SYNDIG1: variants seen among roughly 807,000 people sequenced by gnomAD.
SYNDIG1 encodes synapse differentiation inducing 1, also known as synapse differentiation-inducing gene protein 1.
In SYNDIG1, 9 loss-of-function variants were observed where a neutral mutation model predicts 19.4. The ratio of observed to expected loss-of-function variants is 0.46; its 90% CI spans 0.28 to 0.81. The LOEUF (loss-of-function observed/expected upper bound fraction) is 0.81. Among genes scored for constraint, SYNDIG1 ranks in the 30% least tolerant of loss-of-function variants. The probability of loss-of-function intolerance (pLI) is 0.12; values close to 1 mark genes in which losing one functional copy is unlikely to be tolerated. For missense variants in SYNDIG1, 311 were observed against 343.3 expected (o/e 0.91, Z 0.74); for synonymous variants, 141 against 145.9 (o/e 0.97, Z 0.24).
intron 2 of SYNDIG1, among the ~76,000 whole-genome samples, chr20:24,574,221 T>A (rs2146959120): frequency 6.6e-6 from 1 of 151,986 alleles, no homozygotes; most frequent in Admixed American, 6.5e-5. Context: ...CTCACACCTG[T>A]AATCCTAGCA....
chr20:24,657,955 G>C (rs2059545150), intron 3 of SYNDIG1, among the ~76,000 whole-genome samples: 1 of 152,320 alleles, frequency 6.6e-6, no homozygotes, highest in African/African-American at 2.4e-5. Context: ...GAGGCAGCCA[G>C]TGTCTTGCGG....
At chr20:24,500,429 A>G (rs1488388207) in intron 1 of SYNDIG1, among the ~76,000 whole-genome samples, 2 of 152,182 alleles carry the variant, frequency 1.3e-5, no homozygotes, top group African/African-American at 4.8e-5. Context: ...TTCAGTATCA[A>G]CTTAGAGAGT....
chr20:24,587,800 C>T (rs1455298780), intron 3 of SYNDIG1, among the ~76,000 whole-genome samples: 1 of 152,210 alleles, frequency 6.6e-6, no homozygotes, highest in Non-Finnish European at 1.5e-5. Flanking sequence ...TCCAGGCCCT[C>T]AGTGCCATTC....
chr20:24,629,124 G>C (rs1217907040), intron 3 of SYNDIG1, among the ~76,000 whole-genome samples: 2 of 152,236 alleles, frequency 1.3e-5, no homozygotes, highest in African/African-American at 4.8e-5. Flanking sequence ...AGAGGCTACA[G>C]ATAGAACATG....
chr20:24,628,790 C>T (rs1363385966), intron 3 of SYNDIG1, among the ~76,000 whole-genome samples: 3 of 152,154 alleles, frequency 2.0e-5, no homozygotes, highest in Non-Finnish European at 2.9e-5. Context: ...GGCTCTGTCA[C>T]CATTATCCGG....
At chr20:24,538,006 CTT>C (rs377036617) in intron 1 of SYNDIG1, among the ~76,000 whole-genome samples, 184 of 152,250 alleles carry the variant, frequency 1.2e-3, no homozygotes, top group African/African-American at 4.3e-3. Flanking sequence ...GACAGTGTAT[CTT>C]TTATTTCATC....
In SYNDIG1 at chr20:24,665,949, C is replaced by T. The variant is rs762622474; in HGVS notation, c.*445C>T. On this transcript the variant is annotated 3_prime_UTR_variant, in exon 4 of 4. Coordinates refer to ENST00000376862, the MANE Select transcript of SYNDIG1 (RefSeq NM_024893.3). ...GTGGCCCTGCTGGAGTCCTTTGTGC[C>T]CCCCGGAGTCCACACGCCTTCCCTG... is the stretch of plus-strand genomic sequence containing the variant. 6.2e-4 allele frequency: 105 copies of T among 169,406 alleles called. 1 individual carries two copies. The highest frequency in any genetic ancestry group is 1.0e-3 in the Non-Finnish European group (84 of 80,374). The allele number at this position is 169,406 out of a possible 1,614,324, so 10.5% of individuals were successfully genotyped here.
intron 1 of SYNDIG1, among the ~76,000 whole-genome samples, chr20:24,480,183 C>G (rs921742551): frequency 6.6e-5 from 10 of 152,176 alleles, no homozygotes; most frequent in Admixed American, 5.2e-4. Flanking sequence ...GCACCTGGGC[C>G]CATCCCAGCA....
At chr20:24,594,601 T>A (rs58113049) in intron 3 of SYNDIG1, among the ~76,000 whole-genome samples, 1 of 152,210 alleles carries the variant, frequency 6.6e-6, no homozygotes, top group Non-Finnish European at 1.5e-5. Flanking sequence ...GCACTAGATC[T>A]GTAAGTGCTT....
intron 3 of SYNDIG1, among the ~76,000 whole-genome samples, chr20:24,596,432 G>A (rs2058596138): frequency 6.6e-6 from 1 of 151,574 alleles, no homozygotes; most frequent in African/African-American, 2.4e-5. Flanking sequence ...AGGCTGTAGT[G>A]CAGTGGCATG....
intron 1 of SYNDIG1, among the ~76,000 whole-genome samples, chr20:24,514,922 T>A (rs907143856): frequency 9.9e-5 from 15 of 152,186 alleles, no homozygotes; most frequent in African/African-American, 3.6e-4. Context: ...TATAACAAAC[T>A]GTCTCTCAGA....
chr20:24,653,461 G>A (rs542876295), intron 3 of SYNDIG1, among the ~76,000 whole-genome samples: 2 of 152,150 alleles, frequency 1.3e-5, no homozygotes, highest in Non-Finnish European at 2.9e-5. Context: ...AGTGGCAGAC[G>A]TTTCTTAATC....
chr20:24,558,459 A>G (rs752966737), intron 2 of SYNDIG1, among the ~76,000 whole-genome samples: 1 of 152,198 alleles, frequency 6.6e-6, no homozygotes, highest in Non-Finnish European at 1.5e-5. Context: ...TACCTGAATC[A>G]CATTTTCGAA....
At chr20:24,604,050 AAAC>A (rs1278876891) in intron 3 of SYNDIG1, among the ~76,000 whole-genome samples, 6 of 152,210 alleles carry the variant, frequency 3.9e-5, no homozygotes, top group East Asian at 1.9e-4. Context: ...TTACCAAAAC[AAAC>A]AACATTTTCA....
intron 1 of SYNDIG1, among the ~76,000 whole-genome samples, chr20:24,524,077 C>T (rs186948117): frequency 6.6e-6 from 1 of 152,280 alleles, no homozygotes; most frequent in East Asian, 1.9e-4. Flanking sequence ...TATTTATTGT[C>T]ATCCTTGTTT....
At chr20:24,590,475 CAG>C (rs2058491431) in intron 3 of SYNDIG1, among the ~76,000 whole-genome samples, 1 of 152,046 alleles carries the variant, frequency 6.6e-6, no homozygotes, top group African/African-American at 2.4e-5. Flanking sequence ...CTTCAGAGAA[CAG>C]GGCGGAGGGG....
At chr20:24,625,858 T>C (rs1419403423) in intron 3 of SYNDIG1, among the ~76,000 whole-genome samples, 16 of 152,276 alleles carry the variant, frequency 1.1e-4, no homozygotes, top group East Asian at 1.9e-4. Flanking sequence ...CATCATGGCC[T>C]GTTCTCAATG....
chr20:24,648,525 T>C (rs538343646), intron 3 of SYNDIG1, among the ~76,000 whole-genome samples: 2 of 152,306 alleles, frequency 1.3e-5, no homozygotes, highest in East Asian at 3.9e-4. Context: ...AGCAGGCAAA[T>C]AAAAATCTGA....
intron 3 of SYNDIG1, among the ~76,000 whole-genome samples, chr20:24,606,759 GT>G (rs1247281650): frequency 1.3e-5 from 2 of 152,198 alleles, no homozygotes. Flanking sequence ...TACAGGATCA[GT>G]GGGGGCCAGG....
Sources: gnomAD v4.1 joint callset for allele counts (sites outside exome capture counted in the v4.1 genomes callset) on GRCh38, gnomAD v4.1.1 for gene constraint, MANE v1.5 for transcripts, NCBI Gene and HGNC (gene_info 2026-07-23, HGNC 2026-07-21) for gene names.